The following SLC28A1 variants were observed in gnomAD, a reference collection of about 807,000 sequenced individuals.
SLC28A1 encodes the protein solute carrier family 28 member 1.
In SLC28A1, 64 loss-of-function variants were observed where a neutral mutation model predicts 74.8. That is an observed-to-expected ratio of 0.86 (90% CI 0.70 to 1.05). The LOEUF (loss-of-function observed/expected upper bound fraction) is 1.05. Among genes scored for constraint, SLC28A1 ranks in the 50% least tolerant of loss-of-function variants. The pLI is 0.00. For synonymous variants in SLC28A1, 359 were observed against 335.0 expected (o/e 1.07, Z -0.78); for missense variants, 828 against 822.8 (o/e 1.01, Z -0.08).
chr15:84,888,499 C>T (rs548182972), intron 3 of SLC28A1, among the ~76,000 whole-genome samples: 12 of 152,214 alleles, frequency 7.9e-5, no homozygotes, highest in East Asian at 3.9e-4. Flanking sequence ...GGCCTCCCCT[C>T]GGCCCCTCTC....
Position 84,885,972 on chromosome 15 carries a change from G to A in SLC28A1, c.-132-700G>A, listed in dbSNP as rs192081222. The A allele has an allele frequency of 5.9e-5, 12 of 201,886 alleles. No homozygotes were observed. The South Asian group carries it at 1.4e-3, about 23-fold the overall frequency. 12.5% of individuals were successfully genotyped at this position (201,886 alleles called of 1,614,324 possible). A position where few individuals can be genotyped will look rare whatever the true frequency, so the allele number is the denominator to read the frequency against. ...ACTTCCAAAACAACCAGGAGGTGCC[G>A]GTACTAGCAAGTATTTATGCATCAT... On this transcript the variant is annotated intron_variant, in intron 1 of 18. Coordinates refer to ENST00000394573, the MANE Select transcript of SLC28A1 (RefSeq NM_004213.5).
intron 15 of SLC28A1, among the ~76,000 whole-genome samples, chr15:84,937,063 A>C (rs1972024475): frequency 6.6e-6 from 1 of 151,904 alleles, no homozygotes; most frequent in Admixed American, 6.6e-5. Context: ...TAAAAAAAAA[A>C]AAAGGGAAAG....
the SLC28A1 span, among the ~76,000 whole-genome samples, chr15:84,970,870 A>C: frequency 2.6e-5 from 4 of 152,116 alleles, no homozygotes; most frequent in Non-Finnish European, 5.9e-5. Flanking sequence ...AACAAAACAA[A>C]AAAATATAAA....
chr15:84,962,839 G>T, the SLC28A1 span, among the ~76,000 whole-genome samples: 1 of 152,204 alleles, frequency 6.6e-6, no homozygotes. Context: ...GTGTCCAAAG[G>T]TGACAAGGCC....
At chr15:84,887,906 T>G (rs755346950) in intron 3 of SLC28A1, 50 bp downstream of exon 3, 1 of 1,374,100 alleles carries the variant, frequency 7.3e-7, no homozygotes, top group Non-Finnish European at 1.0e-6. Flanking sequence ...CTCTTTGGCT[T>G]GAGCCCGGCT....
At chr15:84,929,211 A>G (rs910739377) in intron 12 of SLC28A1, among the ~76,000 whole-genome samples, 1 of 152,240 alleles carries the variant, frequency 6.6e-6, no homozygotes, top group Non-Finnish European at 1.5e-5. Context: ...TAAATAAGAC[A>G]TTATTAAAAT....
rs563967410 is a variant in SLC28A1, at chr15:84,885,368, G to T, written c.-133+617G>T. Among the ~76,000 whole-genome samples the T allele has an allele frequency of 3.3e-5, 5 of 151,708 alleles. No homozygotes were observed. In the South Asian group the frequency reaches 1.0e-3, roughly 32 times the overall value. ...CTCTGCTAGAAAAATCAAATTATGA[G>T]AACACTGTTACTGTGTGATCCCCTA... On this transcript the variant is annotated intron_variant, in intron 1 of 18. Coordinates refer to ENST00000394573, the MANE Select transcript of SLC28A1 (RefSeq NM_004213.5).
intron 5 of SLC28A1, among the ~76,000 whole-genome samples, chr15:84,893,294 G>C (rs897948504): frequency 6.6e-6 from 1 of 151,950 alleles, no homozygotes; most frequent in African/African-American, 2.4e-5. Context: ...ACCTCCTGGC[G>C]ACCACGGAGC....
intron 11 of SLC28A1, among the ~76,000 whole-genome samples, chr15:84,921,502 A>G (rs919372674): frequency 6.6e-6 from 1 of 152,054 alleles, no homozygotes; most frequent in African/African-American, 2.4e-5. Context: ...CTTTCTTAAA[A>G]TGTGTTTTCC....
chr15:84,902,708 A>C (rs571458909), intron 6 of SLC28A1, among the ~76,000 whole-genome samples: 1 of 151,732 alleles, frequency 6.6e-6, no homozygotes, highest in Non-Finnish European at 1.5e-5. Context: ...GTTAAAAATA[A>C]AAAATCTGAG....
At chr15:84,922,876 G>T (rs963747489) in intron 11 of SLC28A1, among the ~76,000 whole-genome samples, 2 of 152,226 alleles carry the variant, frequency 1.3e-5, no homozygotes, top group Non-Finnish European at 2.9e-5. Flanking sequence ...GCTCCTTCAG[G>T]TCTCAGCCAA....
intron 12 of SLC28A1, among the ~76,000 whole-genome samples, chr15:84,925,448 A>G (rs572204579): frequency 3.9e-5 from 6 of 152,208 alleles, no homozygotes; most frequent in African/African-American, 1.4e-4. Context: ...AAAATACAAA[A>G]AAATAGCTGG....
At chr15:84,900,914 GTT>G in intron 6 of SLC28A1, among the ~76,000 whole-genome samples, 1 of 141,644 alleles carries the variant, frequency 7.1e-6, no homozygotes, top group African/African-American at 2.5e-5. Context: ...AAGGAAGGAA[GTT>G]AGTTGATTAA....
chr15:84,911,425 C>T (rs1204122982), intron 9 of SLC28A1, among the ~76,000 whole-genome samples: 2 of 152,284 alleles, frequency 1.3e-5, no homozygotes, highest in East Asian at 1.9e-4. Flanking sequence ...AGTGAGTTGG[C>T]GCAGAGCCAG....
intron 15 of SLC28A1, among the ~76,000 whole-genome samples, chr15:84,939,366 G>A (rs1270242636): frequency 6.6e-6 from 1 of 151,802 alleles, no homozygotes; most frequent in Non-Finnish European, 1.5e-5. Flanking sequence ...AGAAGGAAGG[G>A]ACAGAGGGAG....
At chr15:84,954,485 G>T in the SLC28A1 span, among the ~76,000 whole-genome samples, 1 of 152,224 alleles carries the variant, frequency 6.6e-6, no homozygotes, top group Non-Finnish European at 1.5e-5. Context: ...AATGCTTATT[G>T]TGAGACAAGT....
intron 6 of SLC28A1, among the ~76,000 whole-genome samples, chr15:84,902,471 C>T (rs1966780426): frequency 8.9e-6 from 1 of 112,890 alleles, no homozygotes; most frequent in Non-Finnish European, 1.9e-5. Context: ...TGGAATGAGA[C>T]TTTGTCTCAA....
chr15:84,954,025 A>G, the SLC28A1 span, among the ~76,000 whole-genome samples: 1 of 152,166 alleles, frequency 6.6e-6, no homozygotes, highest in African/African-American at 2.4e-5. Context: ...CCTTCTACTG[A>G]ATTGGATTTC....
the SLC28A1 span, among the ~76,000 whole-genome samples, chr15:84,964,985 G>A: frequency 6.6e-6 from 1 of 152,184 alleles, no homozygotes; most frequent in African/African-American, 2.4e-5. Flanking sequence ...TGCCTTTGAA[G>A]ATCCTCAGTA....
Sources: gnomAD v4.1 joint callset for allele counts (sites outside exome capture counted in the v4.1 genomes callset) on GRCh38, gnomAD v4.1.1 for gene constraint, MANE v1.5 for transcripts, NCBI Gene and HGNC (gene_info 2026-07-23, HGNC 2026-07-21) for gene names.